Variants in FLI1 observed in about 807,000 individuals in gnomAD.
FLI1 encodes Friend leukemia integration 1 transcription factor.
A neutral mutation model predicts 53.1 loss-of-function variants in FLI1; 13 were observed. The ratio of observed to expected loss-of-function variants is 0.24; its 90% CI spans 0.16 to 0.39. FLI1 has a LOEUF of 0.39. Among genes scored for constraint, FLI1 ranks in the 10% least tolerant of loss-of-function variants. FLI1 has a pLI of 1.00. For synonymous variants in FLI1, 244 were observed against 236.7 expected (o/e 1.03, Z -0.28); for missense variants, 424 against 600.5 (o/e 0.71, Z 3.07).
intron 3 of FLI1, among the ~76,000 whole-genome samples, chr11:128,769,500 G>A (rs1236501853): frequency 1.3e-5 from 2 of 152,144 alleles, no homozygotes; most frequent in Non-Finnish European, 2.9e-5. Flanking sequence ...CTCCTGCCTT[G>A]GCCCGTGGTG....
chr11:128,796,099 A>C (rs1942436611), intron 5 of FLI1, among the ~76,000 whole-genome samples: 1 of 151,252 alleles, frequency 6.6e-6, no homozygotes, highest in Non-Finnish European at 1.5e-5. Context: ...CTGACCCCCC[A>C]GCCCAGAGTT....
At chr11:128,757,821 AT>A (rs1269040420) in intron 1 of FLI1, among the ~76,000 whole-genome samples, 1 of 152,096 alleles carries the variant, frequency 6.6e-6, no homozygotes, top group East Asian at 1.9e-4. Context: ...TGGCCTCCCT[AT>A]CCCCACCCTC....
At chr11:128,747,955 G>C (rs556002783) in intron 1 of FLI1, among the ~76,000 whole-genome samples, 1 of 152,162 alleles carries the variant, frequency 6.6e-6, no homozygotes, top group Non-Finnish European at 1.5e-5. Flanking sequence ...ATTTAACTTT[G>C]ATCTTTAGAG....
intron 2 of FLI1, among the ~76,000 whole-genome samples, chr11:128,763,633 A>G (rs60709137): frequency 0.015 from 2,263 of 152,244 alleles, 62 homozygotes; most frequent in African/African-American, 0.052. Context: ...CTCACATTCC[A>G]CACAGAGAAG....
At chr11:128,795,559 A>ATTTT (rs33948261) in intron 5 of FLI1, among the ~76,000 whole-genome samples, 2,015 of 136,428 alleles carry the variant, frequency 0.015, 68 homozygotes, top group African/African-American at 0.048. Context: ...ATAGAAAGCA[A>ATTTT]TTTTTTTTTT....
intron 1 of FLI1, among the ~76,000 whole-genome samples, chr11:128,730,468 A>G (rs887083789): frequency 2.6e-5 from 4 of 152,230 alleles, no homozygotes; most frequent in Admixed American, 2.0e-4. Flanking sequence ...AAGAACATGC[A>G]TTCTATTCTA....
intron 1 of FLI1, among the ~76,000 whole-genome samples, chr11:128,707,057 G>A (rs986923211): frequency 6.6e-6 from 1 of 152,182 alleles, no homozygotes; most frequent in Non-Finnish European, 1.5e-5. Context: ...CTGTGAGGGG[G>A]TTATGGGCAC....
intron 2 of FLI1, among the ~76,000 whole-genome samples, chr11:128,758,684 T>C (rs1252035576): frequency 6.6e-6 from 1 of 152,224 alleles, no homozygotes; most frequent in East Asian, 1.9e-4. Flanking sequence ...CCCTGTCCTG[T>C]TGAAGATACT....
chr11:128,746,875 A>G (rs554836242), intron 1 of FLI1, among the ~76,000 whole-genome samples: 5 of 152,330 alleles, frequency 3.3e-5, no homozygotes, highest in East Asian at 1.9e-4. Flanking sequence ...TGCACAGCCA[A>G]TAAAGCTCCA....
At chr11:128,784,997 A>G (rs1942041432) in intron 5 of FLI1, among the ~76,000 whole-genome samples, 1 of 152,238 alleles carries the variant, frequency 6.6e-6, no homozygotes, top group Admixed American at 6.5e-5. Context: ...TCAAATTAGA[A>G]TGGCTTTTTG....
chr11:128,691,275 G>A (rs1342710917), upstream of FLI1, among the ~76,000 whole-genome samples: 2 of 152,276 alleles, frequency 1.3e-5, no homozygotes, highest in African/African-American at 2.4e-5. Flanking sequence ...TGGTTAGGGC[G>A]CTTCCCCCAT....
At position 128,701,398 on chromosome 11, in the gene FLI1, C is replaced by T. The variant is rs558137166; in HGVS notation, c.18+7122C>T. On this transcript the variant is annotated intron_variant, in intron 1 of 8. Transcript: ENST00000527786. ...CCTTCAGACAAGTCTGACATTCTTC[C>T]ATGAGTTGGCTGGGCCGCTGGTCTC... 2.6e-5 allele frequency among the ~76,000 whole-genome samples: 4 copies of T among 152,298 alleles called. No individual in the cohort carries two copies. The South Asian group carries it at 8.3e-4, about 32-fold the overall frequency.
At chr11:128,686,242 G>C (rs1034029711), upstream of FLI1, 1 of 428,756 alleles carries the variant, frequency 2.3e-6, no homozygotes, top group East Asian at 7.1e-5. Context: ...TCCTGGTCGC[G>C]TTCTCTCCTC....
chr11:128,744,036 G>T (rs1348384261), intron 1 of FLI1, among the ~76,000 whole-genome samples: 1 of 152,288 alleles, frequency 6.6e-6, no homozygotes, highest in East Asian at 1.9e-4. Flanking sequence ...TGAGCTCTGT[G>T]ATGAGAGGAT....
At chr11:128,724,426 G>A (rs1939386609) in intron 1 of FLI1, among the ~76,000 whole-genome samples, 2 of 152,218 alleles carry the variant, frequency 1.3e-5, no homozygotes, top group African/African-American at 4.8e-5. Flanking sequence ...TATTGTGCCA[G>A]GCTATAGGGA....
At chr11:128,691,478 G>A (rs1339100408), upstream of FLI1, among the ~76,000 whole-genome samples, 2 of 152,154 alleles carry the variant, frequency 1.3e-5, no homozygotes, top group Admixed American at 1.3e-4. Context: ...ATGGACAGGA[G>A]CTTCTCCCAG....
At chr11:128,698,169 G>A (rs1459500801) in intron 1 of FLI1, among the ~76,000 whole-genome samples, 2 of 152,218 alleles carry the variant, frequency 1.3e-5, no homozygotes, top group African/African-American at 4.8e-5. Flanking sequence ...GAAACATCTG[G>A]ACAAGGTTTG....
At chr11:128,748,485 T>C (rs1940502477) in intron 1 of FLI1, among the ~76,000 whole-genome samples, 1 of 151,652 alleles carries the variant, frequency 6.6e-6, no homozygotes, top group South Asian at 2.1e-4. Context: ...CTCTACTAAT[T>C]AGATGGGCGT....
At chr11:128,719,031 G>A (rs1378589171) in intron 1 of FLI1, among the ~76,000 whole-genome samples, 1 of 152,236 alleles carries the variant, frequency 6.6e-6, no homozygotes, top group Non-Finnish European at 1.5e-5. Context: ...GTAAAGAGCT[G>A]TTGTGAACAT....
Sources: allele counts gnomAD v4.1 joint callset (sites outside exome capture counted in the v4.1 genomes callset), GRCh38; gene constraint gnomAD v4.1.1; transcripts MANE v1.5; gene names NCBI Gene and HGNC (gene_info 2026-07-23, HGNC 2026-07-21).